DNAH10: variants seen among roughly 807,000 people sequenced by gnomAD.
The protein encoded by DNAH10 is dynein axonemal heavy chain 10.
DNAH10 carries 348 observed loss-of-function variants against 506.6 expected under a neutral mutation model. The ratio of observed to expected loss-of-function variants is 0.69; its 90% CI spans 0.63 to 0.75. The LOEUF is 0.75. Among genes scored for constraint, DNAH10 ranks in the 30% least tolerant of loss-of-function variants. The probability of loss-of-function intolerance (pLI) is 0.00; values close to 1 mark genes in which losing one functional copy is unlikely to be tolerated. For synonymous variants in DNAH10, 2,059 were observed against 2,198.6 expected (o/e 0.94, Z 1.78); for missense variants, 5,179 against 5,787.1 (o/e 0.89, Z 3.41).
rs1374262976 is a variant in DNAH10, at chr12:123,762,302, C to G, written c.-35C>G. On this transcript the variant is annotated 5_prime_UTR_variant, in exon 1 of 79. Coordinates refer to ENST00000673944, the MANE Select transcript of DNAH10 (RefSeq NM_001372106.1). This position sits in a 1 kb window ranked among gnomAD's most constrained non-coding sequence, Gnocchi z 5.0. ...GGGCCGCCGTTGCCACGGACGCCCG[C>G]CCTGCGCCCGGCTCCCTCTGCACTG... 2 of 1,232,338 alleles carry G rather than the reference C, an allele frequency of 1.6e-6. No homozygotes were observed. Among genetic ancestry groups the G allele is most frequent in the East Asian group, 6.3e-5 (2 of 31,688 alleles). The allele number at this position is 1,232,338 out of a possible 1,614,324, so 76.3% of individuals were successfully genotyped here.
At chr12:123,830,168 T>C (rs1960388134) in intron 25 of DNAH10, among the ~76,000 whole-genome samples, 1 of 152,192 alleles carries the variant, frequency 6.6e-6, no homozygotes, top group Non-Finnish European at 1.5e-5. Context: ...GAAATATTTA[T>C]CAAATGCACG....
chr12:123,803,131 A>G (rs1004244886), intron 16 of DNAH10, among the ~76,000 whole-genome samples: 4 of 152,198 alleles, frequency 2.6e-5, no homozygotes, highest in African/African-American at 9.7e-5. Flanking sequence ...TTTGCTGTCA[A>G]GTCGAAGAAT....
At chr12:123,879,927 G>T in intron 50 of DNAH10, 126 bp downstream of exon 50, 1 of 1,155,320 alleles carries the variant, frequency 8.7e-7, no homozygotes, top group South Asian at 1.6e-5. Flanking sequence ...CTTGAAATAC[G>T]GGCTTGTGTC....
Position 123,913,862 on chromosome 12 carries a change from G to A in DNAH10, c.10353-467G>A, listed in dbSNP as rs550734847. ...GAAAACACTGAAAAATGTTGTTTGC[G>A]TGTGGGAAACAATTTTCAGTATTTC... On this transcript the variant is annotated intron_variant, in intron 60 of 78. Transcript: ENST00000673944. The surrounding 1 kb of genome is among the most constrained non-coding windows in gnomAD (Gnocchi z 5.1). 3.7e-4 allele frequency among the ~76,000 whole-genome samples: 56 copies of A among 152,308 alleles called. No individual in the cohort carries two copies. Among genetic ancestry groups the A allele is most frequent in the Non-Finnish European group, 5.1e-4 (35 of 68,020 alleles).
chr12:123,929,935 C>T (rs1034964155), intron 72 of DNAH10, 176 bp downstream of exon 72: 1 of 638,360 alleles, frequency 1.6e-6, no homozygotes, highest in Non-Finnish European at 2.7e-6. Context: ...TAAGTGAGCT[C>T]TGTTCACATG....
chr12:123,879,142 G>T, intron 48 of DNAH10, 122 bp from the exon 49 acceptor site: 2 of 750,738 alleles, frequency 2.7e-6, no homozygotes, highest in South Asian at 3.6e-5. Flanking sequence ...AGGGGGGCAC[G>T]ACTGGAGAAA....
rs993074838 is a variant in DNAH10, at chr12:123,935,387, G to A, written c.13676G>A (p.Gly4559Glu). 6.2e-7 allele frequency: 1 copy of A among 1,611,844 alleles called. No homozygotes were observed. Among genetic ancestry groups the A allele is most frequent in the Non-Finnish European group, 8.5e-7 (1 of 1,178,040 alleles). Residue 4559 changes from glycine (G) to glutamate (E), a missense_variant, in exon 79 of 79, where the codon GGA becomes GAA. By Grantham distance (98) the Gly-to-Glu change is moderately conservative (BLOSUM62 -2). Coordinates refer to ENST00000673944, the MANE Select transcript of DNAH10 (RefSeq NM_001372106.1). ...YTTSMRRNAM[G>E]VGLVFEADLF... The stretch of plus-strand genomic sequence containing the variant: ...ACCTCCATGAGAAGGAACGCCATGG[G>A]AGTCGGCTTGGTTTTTGAAGCTGAT...
At chr12:123,789,765 A>G (rs1958008627) in intron 10 of DNAH10, among the ~76,000 whole-genome samples, 162 bp from the exon 11 acceptor site, 1 of 152,130 alleles carries the variant, frequency 6.6e-6, no homozygotes, top group South Asian at 2.1e-4. Context: ...ATCTTATCCT[A>G]TGTGCCTTGG....
chr12:123,930,887 T>C (rs1489592592), intron 73 of DNAH10, among the ~76,000 whole-genome samples: 1 of 152,032 alleles, frequency 6.6e-6, no homozygotes, highest in Non-Finnish European at 1.5e-5. Context: ...AATTTTTACA[T>C]TAAAAACATG....
At position 123,816,251 on chromosome 12, in the gene DNAH10, T is replaced by C. The variant is rs966995802; in HGVS notation, c.3780+2339T>C. Among the ~76,000 whole-genome samples the C allele has an allele frequency of 3.3e-5, 5 of 152,334 alleles. 1 individual carries two copies. Among genetic ancestry groups the C allele is most frequent in the South Asian group, 4.1e-4 (2 of 4,822 alleles). On this transcript the variant is annotated intron_variant, in intron 21 of 78. Coordinates refer to ENST00000673944, the MANE Select transcript of DNAH10 (RefSeq NM_001372106.1). ...CTGGTGGCTGGGAGCCCTAGGCAGC[T>C]TCAGCATGGGGGCTGGTTGCCAGAA...
chr12:123,835,351 A>G, intron 27 of DNAH10, 55 bp from the exon 28 acceptor site: 1 of 1,584,432 alleles, frequency 6.3e-7, no homozygotes, highest in Non-Finnish European at 8.6e-7. Flanking sequence ...TTTGCCATCC[A>G]CTTTTGGAGG....
intron 18 of DNAH10, among the ~76,000 whole-genome samples, chr12:123,808,406 G>C (rs1958796436): frequency 6.6e-6 from 1 of 152,172 alleles, no homozygotes. Flanking sequence ...GAAGCAGGGA[G>C]ACTGGGCTGG....
Position 123,850,967 on chromosome 12 carries a change from A to G in DNAH10, c.6182A>G (p.Glu2061Gly). The change falls in exon 35 of 79, where the codon GAG becomes GGG. Residue 2061 changes from glutamate (E) to glycine (G), a missense_variant. By Grantham distance (98) the Glu-to-Gly change is moderately conservative. Transcript: ENST00000673944. The surrounding 1 kb of genome is among the most constrained non-coding windows in gnomAD (Gnocchi z 5.5). ...AACCCCGGCTACGCAGGCCGCACGG[A>G]GCTGCCCGAGTCGGTGAAGGCGCTG... is the stretch of plus-strand genomic sequence containing the variant. Reference protein sequence around the residue: ...TMNPGYAGRTELPESVKALFR... With the variant: ...TMNPGYAGRTGLPESVKALFR... 1 of 1,614,114 alleles carries G rather than the reference A, an allele frequency of 6.2e-7. No homozygotes were observed. The highest frequency in any genetic ancestry group is 1.6e-4 in the Middle Eastern group (1 of 6,062).
chr12:123,828,042 C>T (rs1341126360), intron 25 of DNAH10, among the ~76,000 whole-genome samples: 5 of 152,116 alleles, frequency 3.3e-5, no homozygotes, highest in Non-Finnish European at 7.4e-5. Context: ...ATCTGAGTAT[C>T]ATCTATGCTG....
rs770641757 is a variant in DNAH10, at chr12:123,933,517, G to C, written c.13477+6G>C. The C allele has an allele frequency of 1.3e-6, 2 of 1,588,466 alleles. No individual in the cohort carries two copies. The highest frequency in any genetic ancestry group is 3.4e-5 in the Admixed American group (2 of 58,246). ...GAATGAGCGGGCGGGACAAGGTACC[G>C]TCAGCTCGTTAGGGATCCACAGCCT... On this transcript the variant is annotated splice_donor_region_variant and intron_variant, in intron 77 of 78. Transcript: ENST00000673944.
chr12:123,804,986 A>G lies in DNAH10; in HGVS notation c.2933A>G (p.Tyr978Cys), dbSNP rs2136297499. The change falls in exon 18 of 79, where the codon TAC (tyrosine) becomes TGC (cysteine). Residue 978 changes from tyrosine (Y) to cysteine (C), a missense_variant. Coordinates refer to ENST00000673944, the MANE Select transcript of DNAH10 (RefSeq NM_001372106.1). ...GGCAAGGCCCCCAAGCTGGCCTCCTACTACAAATACTGGGAAAAGAAAATT... is the reference window on the plus strand; with the variant it reads ...GGCAAGGCCCCCAAGCTGGCCTCCTGCTACAAATACTGGGAAAAGAAAATT... ...NTGKAPKLASYYKYWEKKIYE... is the reference protein window; with the variant it reads ...NTGKAPKLASCYKYWEKKIYE... 1 of 1,614,222 alleles carries G rather than the reference A, an allele frequency of 6.2e-7. No homozygotes were observed. The highest frequency in any genetic ancestry group is 2.2e-5 in the East Asian group (1 of 44,890).
intron 54 of DNAH10, among the ~76,000 whole-genome samples, chr12:123,896,609 C>T (rs540347566): frequency 1.5e-4 from 23 of 151,712 alleles, no homozygotes; most frequent in Non-Finnish European, 1.6e-4. Context: ...ACGTGGTGAT[C>T]GCTTCTGAAA....
Position 123,781,146 on chromosome 12 carries a change from G to C in DNAH10, c.688G>C (p.Glu230Gln). ...TACAACCGTGGGAGTCACATCTGGAGAAGTCTCTAATTCCTCTGAGCATGA... is the reference window on the plus strand; with the variant it reads ...TACAACCGTGGGAGTCACATCTGGACAAGTCTCTAATTCCTCTGAGCATGA... ...TSTTVGVTSGEVSNSSEHESD... is the reference protein window; with the variant it reads ...TSTTVGVTSGQVSNSSEHESD... Residue 230 changes from glutamate (E) to glutamine (Q), a missense_variant, in exon 6 of 79, where the codon GAA becomes CAA. By Grantham distance (29) the Glu-to-Gln change is conservative (BLOSUM62 2). This residue lies in a region of DNAH10 where 326 missense variants were observed against 330.8 expected (regional missense o/e 0.99). Transcript: ENST00000673944. The C allele has an allele frequency of 1.2e-6, 2 of 1,614,102 alleles. No homozygotes were observed.
intron 10 of DNAH10, 104 bp downstream of exon 10, chr12:123,788,106 C>A: frequency 7.6e-7 from 1 of 1,319,288 alleles, no homozygotes; most frequent in Non-Finnish European, 1.1e-6. Context: ...CAGAAAGGGC[C>A]TGGCAGGGAG....
Sources: allele counts gnomAD v4.1 joint callset (sites outside exome capture counted in the v4.1 genomes callset), GRCh38; gene constraint gnomAD v4.1.1; regional missense constraint gnomAD v4.1.1; non-coding constraint Gnocchi (gnomAD v3.1); transcripts MANE v1.5; gene names NCBI Gene and HGNC (gene_info 2026-07-23, HGNC 2026-07-21).